The following SNTG1 variants were observed in gnomAD, a reference collection of about 807,000 sequenced individuals.
SNTG1 encodes gamma-1-syntrophin.
Under a neutral mutation model 74.7 loss-of-function variants are expected in SNTG1, and 39 were observed. The ratio of observed to expected loss-of-function variants is 0.52; its 90% confidence interval spans 0.40 to 0.68. The LOEUF (loss-of-function observed/expected upper bound fraction) is 0.68. Among genes scored for constraint, SNTG1 ranks in the 30% least tolerant of loss-of-function variants. The probability of loss-of-function intolerance (pLI) is 0.00; values close to 1 mark genes in which losing one functional copy is unlikely to be tolerated. For synonymous variants in SNTG1, 254 were observed against 217.1 expected (o/e 1.17, Z -1.49); for missense variants, 685 against 609.5 (o/e 1.12, Z -1.30).
At chr8:50,228,520 A>C (rs1389509112) in intron 2 of SNTG1, among the ~76,000 whole-genome samples, 1 of 151,998 alleles carries the variant, frequency 6.6e-6, no homozygotes, top group Admixed American at 6.6e-5. Context: ...GAAAATCTTG[A>C]AATAAACCAG....
chr8:50,643,032 A>G (rs2095083874), intron 13 of SNTG1, among the ~76,000 whole-genome samples: 1 of 149,760 alleles, frequency 6.7e-6, no homozygotes, highest in Non-Finnish European at 1.5e-5. Flanking sequence ...TGTAGATGCC[A>G]TTATATTTGA....
intron 11 of SNTG1, among the ~76,000 whole-genome samples, chr8:50,550,427 T>G (rs2094418093): frequency 6.6e-6 from 1 of 152,194 alleles, no homozygotes; most frequent in East Asian, 1.9e-4. Flanking sequence ...AGAAATGATA[T>G]ATATTTATTT....
At chr8:50,259,494 G>T (rs2087048360) in intron 2 of SNTG1, among the ~76,000 whole-genome samples, 5 of 65,600 alleles carry the variant, frequency 7.6e-5, no homozygotes, top group East Asian at 3.8e-4. Flanking sequence ...GAGAGACGCT[G>T]TCTCAAAAAA....
chr8:50,049,901 T>A (rs1819422946), intron 1 of SNTG1, among the ~76,000 whole-genome samples: 2 of 151,896 alleles, frequency 1.3e-5, no homozygotes, highest in Admixed American at 6.6e-5. Context: ...ATATTTTGAA[T>A]GAAATGAAAA....
At chr8:50,297,782 G>A (rs1441123129) in intron 2 of SNTG1, among the ~76,000 whole-genome samples, 1 of 151,982 alleles carries the variant, frequency 6.6e-6, no homozygotes, top group Non-Finnish European at 1.5e-5. Context: ...GCAGGTATCT[G>A]AAACCAGGAA....
At chr8:50,453,060 A>G (rs1437870728) in intron 8 of SNTG1, among the ~76,000 whole-genome samples, 1 of 152,180 alleles carries the variant, frequency 6.6e-6, no homozygotes, top group African/African-American at 2.4e-5. Flanking sequence ...TGTGCATGTA[A>G]CTTTTATTTT....
intron 2 of SNTG1, among the ~76,000 whole-genome samples, chr8:50,323,985 G>A (rs1332718175): frequency 6.6e-6 from 1 of 152,158 alleles, no homozygotes; most frequent in Non-Finnish European, 1.5e-5. Context: ...GTCTCCTTAG[G>A]TAACATGTCA....
chr8:50,293,951 A>G (rs924515130), intron 2 of SNTG1, among the ~76,000 whole-genome samples: 1 of 152,194 alleles, frequency 6.6e-6, no homozygotes, highest in African/African-American at 2.4e-5. Context: ...GAGAAAAACA[A>G]TTTATGCTGT....
At chr8:50,106,990 C>A (rs999768849) in intron 1 of SNTG1, among the ~76,000 whole-genome samples, 1 of 152,098 alleles carries the variant, frequency 6.6e-6, no homozygotes, top group Non-Finnish European at 1.5e-5. Context: ...TTGGCAAGAG[C>A]AGAACACATA....
intron 1 of SNTG1, among the ~76,000 whole-genome samples, chr8:50,161,225 A>G (rs2082406343): frequency 6.6e-6 from 1 of 152,222 alleles, no homozygotes; most frequent in African/African-American, 2.4e-5. Context: ...CGCATAGAAC[A>G]AATCAGGGAT....
At chr8:50,199,737 A>C (rs544592448) in intron 2 of SNTG1, among the ~76,000 whole-genome samples, 1 of 152,210 alleles carries the variant, frequency 6.6e-6, no homozygotes, top group African/African-American at 2.4e-5. Flanking sequence ...AACCTGGTGG[A>C]TGTAGGGTGC....
intron 14 of SNTG1, 134 bp from the exon 15 acceptor site, chr8:50,658,458 G>T (rs1369381170): frequency 1.8e-6 from 1 of 553,500 alleles, no homozygotes; most frequent in Non-Finnish European, 3.2e-6. Context: ...TCCTTTATGA[G>T]CATGGCTTCA....
intron 1 of SNTG1, among the ~76,000 whole-genome samples, chr8:50,078,765 A>C (rs767572430): frequency 3.3e-5 from 5 of 151,926 alleles, no homozygotes; most frequent in African/African-American, 4.8e-5. Flanking sequence ...CCCTGTGTCC[A>C]TGTGTTCTCA....
chr8:50,222,601 T>C (rs2085124719), intron 2 of SNTG1, among the ~76,000 whole-genome samples: 1 of 152,174 alleles, frequency 6.6e-6, no homozygotes, highest in East Asian at 1.9e-4. Context: ...TTTTCCTTAA[T>C]TGTCCAGTTT....
At chr8:50,420,506 T>A (rs1442436695) in intron 4 of SNTG1, among the ~76,000 whole-genome samples, 1 of 152,040 alleles carries the variant, frequency 6.6e-6, no homozygotes, top group Non-Finnish European at 1.5e-5. Context: ...ATTAAAGGAA[T>A]GGCTACAAAG....
chr8:50,551,226 C>T (rs1585656178), intron 11 of SNTG1, among the ~76,000 whole-genome samples: 1 of 152,038 alleles, frequency 6.6e-6, no homozygotes, highest in East Asian at 1.9e-4. Flanking sequence ...AATAAAAAAA[C>T]TGTTCAAGTA....
intron 1 of SNTG1, among the ~76,000 whole-genome samples, chr8:50,039,541 C>G (rs2130806866): frequency 6.6e-6 from 1 of 150,836 alleles, no homozygotes; most frequent in South Asian, 2.1e-4. Context: ...ACAGGCGAGG[C>G]CTCTCATTGG....
intron 17 of SNTG1, among the ~76,000 whole-genome samples, chr8:50,746,451 A>G (rs1324385585): frequency 2.6e-5 from 4 of 151,936 alleles, no homozygotes; most frequent in Non-Finnish European, 5.9e-5. Flanking sequence ...TTCATGAGAA[A>G]AACATCGAAA....
intron 1 of SNTG1, among the ~76,000 whole-genome samples, chr8:50,084,528 C>T (rs1822702857): frequency 6.6e-6 from 1 of 152,152 alleles, no homozygotes; most frequent in Non-Finnish European, 1.5e-5. Context: ...TGACCAAAAT[C>T]TATATGACCT....
Sources: allele counts gnomAD v4.1 joint callset (sites outside exome capture counted in the v4.1 genomes callset), GRCh38; gene constraint gnomAD v4.1.1; transcripts MANE v1.5; gene names NCBI Gene and HGNC (gene_info 2026-07-23, HGNC 2026-07-21).